Variants in SYMPK observed in about 807,000 individuals in gnomAD.
SYMPK encodes symplekin.
In SYMPK, 49 loss-of-function variants were observed where a neutral mutation model predicts 136.4. That is an observed-to-expected ratio of 0.36 (90% confidence interval 0.29 to 0.46). The LOEUF (loss-of-function observed/expected upper bound fraction) is 0.46, where lower values mean the gene tolerates loss of function less well. SYMPK is among the 20% of genes least tolerant of loss of function. The pLI is 1.00. For missense variants in SYMPK, 1,365 were observed against 1,690.0 expected (o/e 0.81, Z 3.37); for synonymous variants, 766 against 713.0 (o/e 1.07, Z -1.19).
In SYMPK at chr19:45,823,883, C is replaced by G. The variant is rs1426630019; in HGVS notation, c.2491-8G>C. On this transcript the variant is annotated splice_region_variant and splice_polypyrimidine_tract_variant and intron_variant, in intron 18 of 26. Transcript: ENST00000245934. ...CATGCCCATTCCTCGGATCTAGAGG[C>G]AGAGACAGGGATGACCAGACCCAGG... 6.2e-7 allele frequency: 1 copy of G among 1,611,796 alleles called. No individual in the cohort carries two copies. The highest frequency in any genetic ancestry group is 1.3e-5 in the African/African-American group (1 of 74,856).
In SYMPK at chr19:45,815,471, CTTTT is replaced by C; in HGVS notation, c.*85_*88del. The C allele has an allele frequency of 8.4e-7, 1 of 1,189,358 alleles. No individual in the cohort carries two copies. Among genetic ancestry groups the C allele is most frequent in the Non-Finnish European group, 1.1e-6 (1 of 879,720 alleles). 73.7% of individuals were successfully genotyped at this position (1,189,358 alleles called of 1,614,324 possible). A position where few individuals can be genotyped will look rare whatever the true frequency, so the allele number is the denominator to read the frequency against. The stretch of plus-strand genomic sequence containing the variant: ...TTGCCCAAGTTCACATCTTTTATTT[CTTTT>C]TAAGGCAAAGCACCCGCAGGTCAAG... On this transcript the variant is annotated 3_prime_UTR_variant, in exon 27 of 27. Transcript: ENST00000245934.
intron 10 of SYMPK, among the ~76,000 whole-genome samples, chr19:45,837,744 A>C (rs1173660737): frequency 1.3e-5 from 2 of 151,972 alleles, no homozygotes; most frequent in Non-Finnish European, 2.9e-5. Context: ...GTTGGGCTTC[A>C]GGTGAAAAGG....
chr19:45,839,861 C>CA (rs1287318414), intron 9 of SYMPK, among the ~76,000 whole-genome samples: 4 of 148,788 alleles, frequency 2.7e-5, no homozygotes, highest in Admixed American at 6.8e-5. Context: ...CAAAAAAACA[C>CA]AAAAAAACCA....
chr19:45,838,810 C>T (rs185864020), intron 9 of SYMPK, among the ~76,000 whole-genome samples, 195 bp from the exon 10 acceptor site: 1 of 152,354 alleles, frequency 6.6e-6, no homozygotes, highest in East Asian at 1.9e-4. Context: ...CTGACTCGTT[C>T]TGAACCTCAG....
At chr19:45,859,796 T>C (rs1971918105) in intron 1 of SYMPK, among the ~76,000 whole-genome samples, 1 of 149,764 alleles carries the variant, frequency 6.7e-6, no homozygotes. Context: ...AATCCCAACA[T>C]TTTGGGAGGC....
intron 7 of SYMPK, among the ~76,000 whole-genome samples, 165 bp from the exon 8 acceptor site, chr19:45,844,365 A>G (rs1971512893): frequency 6.6e-6 from 1 of 152,180 alleles, no homozygotes; most frequent in African/African-American, 2.4e-5. Context: ...GAGACTATTA[A>G]TGAGTATAAA....
intron 3 of SYMPK, among the ~76,000 whole-genome samples, chr19:45,853,659 C>A (rs2146343284): frequency 6.6e-6 from 1 of 152,016 alleles, no homozygotes. Flanking sequence ...ATTTGGTACA[C>A]TTCTCTCCTT....
At chr19:45,818,262 C>A in intron 22 of SYMPK, 116 bp from the exon 23 acceptor site, 1 of 1,124,448 alleles carries the variant, frequency 8.9e-7, no homozygotes, top group Non-Finnish European at 1.2e-6. Context: ...GCCCTGACTT[C>A]TAAAGCCCCT....
intron 13 of SYMPK, 62 bp downstream of exon 13, chr19:45,829,992 T>C (rs1439087810): frequency 2.3e-5 from 34 of 1,495,990 alleles, no homozygotes; most frequent in Non-Finnish European, 2.9e-5. Flanking sequence ...CTTCGCTGGA[T>C]GTGAGGTAGA....
intron 9 of SYMPK, among the ~76,000 whole-genome samples, chr19:45,840,105 G>C (rs192443154): frequency 6.6e-6 from 1 of 151,992 alleles, no homozygotes; most frequent in African/African-American, 2.4e-5. Flanking sequence ...CTGAGGTCAG[G>C]AGTTTGAGAC....
chr19:45,853,570 T>A (rs2146343141), intron 3 of SYMPK, among the ~76,000 whole-genome samples: 1 of 149,938 alleles, frequency 6.7e-6, no homozygotes, highest in South Asian at 2.1e-4. Flanking sequence ...GCCAGGATCG[T>A]GCCATGGCAC....
At position 45,821,226 on chromosome 19, in the gene SYMPK, A is replaced by C; in HGVS notation, c.2893+158T>G. 1 of 705,928 alleles carries C rather than the reference A, an allele frequency of 1.4e-6. No individual in the cohort carries two copies. Among genetic ancestry groups the C allele is most frequent in the Admixed American group, 2.0e-5 (1 of 49,270 alleles). 43.7% of individuals were successfully genotyped at this position (705,928 alleles called of 1,614,324 possible). ...GGAGGGAGGGAAGAGGAGGCAAGAA[A>C]AGGAGGGAGGGAGGGAGGTGGCTCT... On this transcript the variant is annotated intron_variant, in intron 22 of 26. Coordinates refer to ENST00000245934, the MANE Select transcript of SYMPK (RefSeq NM_004819.3). The surrounding 1 kb of genome is among the most constrained non-coding windows in gnomAD (Gnocchi z 4.4).
At chr19:45,816,411 G>A in intron 25 of SYMPK, 71 bp downstream of exon 25, 3 of 1,534,846 alleles carry the variant, frequency 2.0e-6, no homozygotes, top group Non-Finnish European at 2.6e-6. Flanking sequence ...GGAGGCCATG[G>A]TGAGCCTTGC....
chr19:45,852,714 C>T (rs1295795560), intron 3 of SYMPK, among the ~76,000 whole-genome samples, 179 bp from the exon 4 acceptor site: 1 of 152,154 alleles, frequency 6.6e-6, no homozygotes, highest in Non-Finnish European at 1.5e-5. Context: ...GTCTCTGAAC[C>T]TCAGTTTGCT....
At chr19:45,848,945 C>A in intron 5 of SYMPK, 69 bp from the exon 6 acceptor site, 5 of 1,587,808 alleles carry the variant, frequency 3.1e-6, no homozygotes, top group Non-Finnish European at 4.3e-6. Flanking sequence ...AGCCTGAGGT[C>A]CAGGAGGGAA....
Position 45,854,244 on chromosome 19 carries a change from G to A in SYMPK, c.106-4C>T, listed in dbSNP as rs1338856760. 29 of 1,614,084 alleles carry A rather than the reference G, an allele frequency of 1.8e-5. No homozygotes were observed. Among genetic ancestry groups the A allele is most frequent in the Non-Finnish European group, 2.4e-5 (28 of 1,179,976 alleles). On this transcript the variant is annotated splice_polypyrimidine_tract_variant and splice_region_variant and intron_variant, in intron 2 of 26. Transcript: ENST00000245934. ...CCTGGTTCAGAAGATCCACCACCTG[G>A]AAGGAGGGGGAGTGGCAGGGGATAG... is the stretch of plus-strand genomic sequence containing the variant.
chr19:45,848,390 A>G (rs1051663974), intron 6 of SYMPK, among the ~76,000 whole-genome samples: 4 of 152,208 alleles, frequency 2.6e-5, no homozygotes, highest in African/African-American at 9.7e-5. Flanking sequence ...ATCAATATTT[A>G]TGTGATTCAT....
chr19:45,825,455 A>G (rs1299657666), intron 17 of SYMPK, 124 bp from the exon 18 acceptor site: 1 of 1,239,324 alleles, frequency 8.1e-7, no homozygotes, highest in Non-Finnish European at 1.1e-6. Flanking sequence ...GGGGCTGGGG[A>G]GCTAATTGTT....
At chr19:45,840,311 TCAAAAAA>T in intron 9 of SYMPK, among the ~76,000 whole-genome samples, 1 of 53,148 alleles carries the variant, frequency 1.9e-5, no homozygotes, top group East Asian at 6.8e-4. Flanking sequence ...CGAGACTGTC[TCAAAAAA>T]AAAAAAAAAA....
Sources: allele counts gnomAD v4.1 joint callset (sites outside exome capture counted in the v4.1 genomes callset), GRCh38; gene constraint gnomAD v4.1.1; non-coding constraint Gnocchi (gnomAD v3.1); transcripts MANE v1.5; gene names NCBI Gene and HGNC (gene_info 2026-07-23, HGNC 2026-07-21).